The following C10orf88 variants were observed in gnomAD, a reference collection of about 807,000 sequenced individuals.
The protein encoded by C10orf88 is ATPase PAAT.
Under a neutral mutation model 34.2 loss-of-function variants are expected in C10orf88, and 29 were observed. The observed-to-expected ratio is 0.85, with a 90% CI of 0.63 to 1.16. The LOEUF is 1.16. Ranked by LOEUF, C10orf88 falls within the 50% of genes most tolerant of loss-of-function variation. The pLI is 0.00. For missense variants in C10orf88, 507 were observed against 533.2 expected, an observed-to-expected ratio of 0.95 and a Z score of 0.48; for synonymous variants, 194 against 197.4, an observed-to-expected ratio of 0.98 and a Z score of 0.15.
intron 5 of C10orf88, among the ~76,000 whole-genome samples, chr10:122,934,912 A>C (rs1016529358): frequency 6.6e-6 from 1 of 152,064 alleles, no homozygotes; most frequent in East Asian, 1.9e-4. Flanking sequence ...CACTAAGTCA[A>C]TGTTGATCAA....
In C10orf88 at chr10:122,948,805, T is replaced by A; in HGVS notation, c.492A>T (p.Val164=). ...RQCVFISKVV[V]HMRSVFANSS... ...AATTTGCAAAAACTGATCTCATGTG[T>A]ACCACAACTTTACTGATGAACACAC... Residue 164 remains valine (V), a synonymous_variant, in exon 4 of 6, where the codon GTA becomes GTT. Coordinates refer to ENST00000481909, the MANE Select transcript of C10orf88 (RefSeq NM_024942.4). 1 of 1,613,730 alleles carries A rather than the reference T, an allele frequency of 6.2e-7. No individual in the cohort carries two copies. The highest frequency in any genetic ancestry group is 8.5e-7 in the Non-Finnish European group (1 of 1,179,878).
chr10:122,947,159 T>C (rs1482396267), intron 4 of C10orf88, among the ~76,000 whole-genome samples: 1 of 152,090 alleles, frequency 6.6e-6, no homozygotes, highest in Non-Finnish European at 1.5e-5. Context: ...GGTGAGAACA[T>C]GGTGTGGGAG....
At chr10:122,936,887 C>G (rs1421378592) in intron 5 of C10orf88, among the ~76,000 whole-genome samples, 2 of 151,932 alleles carry the variant, frequency 1.3e-5, no homozygotes. Flanking sequence ...TGCTTTGTGA[C>G]TCAAGATATA....
chr10:122,951,620 T>C (rs1484646642), intron 3 of C10orf88, among the ~76,000 whole-genome samples: 1 of 152,142 alleles, frequency 6.6e-6, no homozygotes, highest in African/African-American at 2.4e-5. Flanking sequence ...TTTAGAAAAG[T>C]AATTTCTTTG....
chr10:122,932,178 A>T lies in C10orf88; in HGVS notation c.*249T>A, dbSNP rs2133326038. On this transcript the variant is annotated 3_prime_UTR_variant, in exon 6 of 6. Coordinates refer to ENST00000481909, the MANE Select transcript of C10orf88 (RefSeq NM_024942.4). Reference sequence around the variant, plus strand: ...CAAGCATTTTAAACTCTTAACACAAATATACATACATTTCTGTAAGACTGA... The same window carrying T: ...CAAGCATTTTAAACTCTTAACACAATTATACATACATTTCTGTAAGACTGA... 2 of 363,232 alleles carry T rather than the reference A, an allele frequency of 5.5e-6. No individual in the cohort carries two copies. Among genetic ancestry groups the T allele is most frequent in the Non-Finnish European group, 9.9e-6 (2 of 201,396 alleles). 22.5% of individuals were successfully genotyped at this position (363,232 alleles called of 1,614,324 possible). A position where few individuals can be genotyped will look rare whatever the true frequency, so the allele number is the denominator to read the frequency against.
At position 122,932,034 on chromosome 10, in the gene C10orf88, A is replaced by G. The variant is rs1848488254; in HGVS notation, c.*393T>C. The G allele has an allele frequency of 6.5e-6, 1 of 154,898 alleles. No individual in the cohort carries two copies. The highest frequency in any genetic ancestry group is 2.4e-5 in the African/African-American group (1 of 41,558). The allele number at this position is 154,898 out of a possible 1,614,324, so 9.6% of individuals were successfully genotyped here. ...TTCCAAGATAATTAGAAAAAGAAAA[A>G]AATCAAATACTCTTAAGCATTATTT... On this transcript the variant is annotated 3_prime_UTR_variant, in exon 6 of 6. Transcript: ENST00000481909.
At chr10:122,944,269 A>G (rs1470216162) in intron 4 of C10orf88, among the ~76,000 whole-genome samples, 4 of 151,234 alleles carry the variant, frequency 2.6e-5, no homozygotes, top group Non-Finnish European at 4.4e-5. Flanking sequence ...GTAAACTCTC[A>G]CAAGAACAAA....
intron 4 of C10orf88, among the ~76,000 whole-genome samples, chr10:122,943,617 C>T (rs1479498212): frequency 2.0e-5 from 3 of 152,006 alleles, no homozygotes; most frequent in Non-Finnish European, 2.9e-5. Context: ...ATTTTTGCAA[C>T]CTACTCATCT....
chr10:122,953,270 G>T (rs953430190), intron 1 of C10orf88, among the ~76,000 whole-genome samples: 1 of 152,114 alleles, frequency 6.6e-6, no homozygotes, highest in African/African-American at 2.4e-5. Context: ...GTAGAGACGG[G>T]GTTTCGCCGT....
In C10orf88 at chr10:122,953,079, C is replaced by T. The variant is rs371346832; in HGVS notation, c.165-47G>A. Reference sequence around the variant, plus strand: ...ACATCACACAGTATAGTTCTCTGAACATGACTCTTCTTTTTTGAGACGGAG... The same window carrying T: ...ACATCACACAGTATAGTTCTCTGAATATGACTCTTCTTTTTTGAGACGGAG... On this transcript the variant is annotated intron_variant, in intron 1 of 5. Coordinates refer to ENST00000481909, the MANE Select transcript of C10orf88 (RefSeq NM_024942.4). The T allele has an allele frequency of 1.0e-5, 15 of 1,447,508 alleles. No homozygotes were observed. In the African/African-American group the frequency reaches 2.0e-4, roughly 19 times the overall value. 89.7% of individuals were successfully genotyped at this position (1,447,508 alleles called of 1,614,324 possible). A position where few individuals can be genotyped will look rare whatever the true frequency, so the allele number is the denominator to read the frequency against.
chr10:122,950,849 A>C (rs1848683166), intron 3 of C10orf88, among the ~76,000 whole-genome samples: 1 of 152,226 alleles, frequency 6.6e-6, no homozygotes, highest in Non-Finnish European at 1.5e-5. Flanking sequence ...TACTATCCAA[A>C]ACAACATCTT....
At chr10:122,936,880 T>C (rs1848537985) in intron 5 of C10orf88, among the ~76,000 whole-genome samples, 1 of 152,050 alleles carries the variant, frequency 6.6e-6, no homozygotes, top group Non-Finnish European at 1.5e-5. Context: ...TCAGATTTGC[T>C]TTGTGACTCA....
At position 122,937,734 on chromosome 10, in the gene C10orf88, G is replaced by A. The variant is rs1033608602; in HGVS notation, c.1074C>T (p.Thr358=). The A allele has an allele frequency of 1.9e-6, 3 of 1,610,436 alleles. No homozygotes were observed. The highest frequency in any genetic ancestry group is 2.5e-6 in the Non-Finnish European group (3 of 1,177,918). The change falls in exon 5 of 6, where the codon ACC becomes ACT. Residue 358 remains threonine, a synonymous_variant. Coordinates refer to ENST00000481909, the MANE Select transcript of C10orf88 (RefSeq NM_024942.4). ...GNKTECQENI[T]KHGERILGVG... ...CACCAAGAATGCGTTCACCATGCTT[G>A]GTGATGTTTTCCTGACACTCGGTCT...
intron 3 of C10orf88, 126 bp from the exon 4 acceptor site, chr10:122,948,981 T>G: frequency 1.2e-6 from 1 of 850,256 alleles, no homozygotes; most frequent in Non-Finnish European, 1.7e-6. Flanking sequence ...TCAAGTATAT[T>G]TTAAACTTTT....
intron 4 of C10orf88, among the ~76,000 whole-genome samples, chr10:122,943,985 G>C (rs963789699): frequency 2.6e-5 from 4 of 151,652 alleles, no homozygotes; most frequent in African/African-American, 4.8e-5. Flanking sequence ...CAGGGATCTA[G>C]AACTAGAAAT....
At chr10:122,949,767 C>G (rs183843377) in intron 3 of C10orf88, among the ~76,000 whole-genome samples, 13 of 152,124 alleles carry the variant, frequency 8.5e-5, no homozygotes, top group Admixed American at 6.5e-5. Flanking sequence ...CTTAACACAC[C>G]ACAACTTGCT....
intron 3 of C10orf88, among the ~76,000 whole-genome samples, chr10:122,949,415 T>C (rs982786955): frequency 7.2e-5 from 11 of 152,118 alleles, no homozygotes; most frequent in Non-Finnish European, 1.6e-4. Flanking sequence ...AATGCCTACA[T>C]AATGAGATGA....
chr10:122,948,682 C>T lies in C10orf88; in HGVS notation c.615G>A (p.Gln205=), dbSNP rs561573229. Residue 205 remains glutamine (Q), a synonymous_variant, in exon 4 of 6, where the codon CAG becomes CAA. Coordinates refer to ENST00000481909, the MANE Select transcript of C10orf88 (RefSeq NM_024942.4). ...GACACCTAACCATATCCATCAACTG[C>T]TGAGCTCCAGGAGATAACTTTGACC... is the stretch of plus-strand genomic sequence containing the variant. ...SMGSKLSPGA[Q]QLMDMVRCQQ... 1 of 1,613,946 alleles carries T rather than the reference C, an allele frequency of 6.2e-7. No homozygotes were observed.
chr10:122,942,964 G>C (rs1848600392), intron 4 of C10orf88, among the ~76,000 whole-genome samples: 1 of 149,694 alleles, frequency 6.7e-6, no homozygotes, highest in Admixed American at 6.7e-5. Flanking sequence ...GTAATTTACA[G>C]ATTCAATGCC....
Sources: allele counts gnomAD v4.1 joint callset (sites outside exome capture counted in the v4.1 genomes callset), GRCh38; gene constraint gnomAD v4.1.1; transcripts MANE v1.5; gene names NCBI Gene and HGNC (gene_info 2026-07-23, HGNC 2026-07-21).